NRP1: variants seen among roughly 807,000 people sequenced by gnomAD.
NRP1 encodes the protein neuropilin-1.
NRP1 carries 35 observed loss-of-function variants against 106.7 expected under a neutral mutation model. That is an observed-to-expected ratio of 0.33 (90% confidence interval 0.25 to 0.43). NRP1 has a LOEUF of 0.43. Among genes scored for constraint, NRP1 ranks in the 20% least tolerant of loss-of-function variants. NRP1 has a pLI of 1.00. For missense variants in NRP1, 1,024 were observed against 1,170.4 expected, an observed-to-expected ratio of 0.87 and a Z score of 1.83; for synonymous variants, 437 against 417.9, an observed-to-expected ratio of 1.05 and a Z score of -0.56.
intron 2 of NRP1, among the ~76,000 whole-genome samples, chr10:33,287,566 T>C (rs948732876): frequency 5.3e-5 from 8 of 152,222 alleles, no homozygotes; most frequent in African/African-American, 1.9e-4. Context: ...ACAGGTGGTG[T>C]CCTGTTACAC....
rs541094422 is a variant in NRP1, at chr10:33,188,006, G to A, written c.2063-1518C>T. ...GTAGGTTTGATACTGCAGGATGAAT[G>A]TCCCTCTCGCTCTCTGACCTTGCAG... On this transcript the variant is annotated intron_variant, in intron 13 of 16. Coordinates refer to ENST00000374867, the MANE Select transcript of NRP1 (RefSeq NM_003873.7). 3.3e-5 allele frequency among the ~76,000 whole-genome samples: 5 copies of A among 152,280 alleles called. No homozygotes were observed. In the South Asian group the frequency reaches 1.0e-3, roughly 32 times the overall value.
At chr10:33,209,994 T>C (rs1365493215) in intron 9 of NRP1, among the ~76,000 whole-genome samples, 1 of 152,188 alleles carries the variant, frequency 6.6e-6, no homozygotes, top group Non-Finnish European at 1.5e-5. Context: ...CAGCCTAATA[T>C]GTGCTTGTTC....
At chr10:33,292,901 G>C (rs753086572) in intron 2 of NRP1, among the ~76,000 whole-genome samples, 3 of 151,782 alleles carry the variant, frequency 2.0e-5, no homozygotes, top group African/African-American at 4.8e-5. Context: ...CTGGAGAATT[G>C]CCTGAACTCG....
intron 2 of NRP1, among the ~76,000 whole-genome samples, chr10:33,293,377 T>C (rs972756650): frequency 6.6e-6 from 1 of 152,206 alleles, no homozygotes; most frequent in Non-Finnish European, 1.5e-5. Context: ...TTTGGACTGT[T>C]GCATCTTTAT....
chr10:33,233,763 G>C (rs1004740213), intron 6 of NRP1, among the ~76,000 whole-genome samples: 2 of 152,150 alleles, frequency 1.3e-5, no homozygotes, highest in Non-Finnish European at 2.9e-5. Context: ...TATTTTTTGA[G>C]GGGGAGACTG....
At chr10:33,285,242 A>G (rs1294353630) in intron 2 of NRP1, among the ~76,000 whole-genome samples, 1 of 152,180 alleles carries the variant, frequency 6.6e-6, no homozygotes. Flanking sequence ...CCCTGGTTTT[A>G]CTACTTAGAG....
intron 3 of NRP1, among the ~76,000 whole-genome samples, chr10:33,268,610 T>C (rs1843085560): frequency 6.6e-6 from 1 of 152,172 alleles, no homozygotes; most frequent in Non-Finnish European, 1.5e-5. Flanking sequence ...AAATCTCTCT[T>C]TTCTCCTTCA....
intron 11 of NRP1, among the ~76,000 whole-genome samples, chr10:33,199,956 A>T (rs1837149780): frequency 1.3e-5 from 2 of 152,202 alleles, no homozygotes; most frequent in Non-Finnish European, 2.9e-5. Flanking sequence ...TTTCTAGGCT[A>T]ATCAACTGCA....
rs1302964790 is a variant in NRP1 at position 33,178,831 on chromosome 10, A to C, written c.*1245T>G. The stretch of plus-strand genomic sequence containing the variant: ...GAAAAAAGATACTGTCACTTTAACC[A>C]GTTAACAAGAAAACCAAAGTTAGAC... On this transcript the variant is annotated 3_prime_UTR_variant, in exon 17 of 17. Transcript: ENST00000374867. The C allele has an allele frequency of 6.5e-6, 1 of 152,688 alleles. No individual in the cohort carries two copies. Among genetic ancestry groups the C allele is most frequent in the Non-Finnish European group, 1.5e-5 (1 of 68,050 alleles). 9.5% of individuals were successfully genotyped at this position (152,688 alleles called of 1,614,324 possible). A position where few individuals can be genotyped will look rare whatever the true frequency, so the allele number is the denominator to read the frequency against.
At chr10:33,245,530 G>A (rs998928366) in intron 6 of NRP1, among the ~76,000 whole-genome samples, 2 of 152,246 alleles carry the variant, frequency 1.3e-5, no homozygotes, top group Admixed American at 1.3e-4. Flanking sequence ...TCATTTGCCA[G>A]TCAGCAAATA....
chr10:33,252,404 G>A (rs376184494), intron 6 of NRP1, among the ~76,000 whole-genome samples: 5 of 152,086 alleles, frequency 3.3e-5, no homozygotes, highest in Admixed American at 1.3e-4. Flanking sequence ...GCCTATAGAC[G>A]GCAAAGCAAA....
chr10:33,318,179 T>A (rs1470483515), intron 2 of NRP1, among the ~76,000 whole-genome samples: 2 of 152,200 alleles, frequency 1.3e-5, no homozygotes, highest in African/African-American at 4.8e-5. Context: ...CTAGGTGGCA[T>A]TACTCAGGCA....
rs560986317 is a variant in NRP1 at position 33,180,021 on chromosome 10, T to C, written c.*55A>G. Reference sequence around the variant, plus strand: ...AGTGAAAGATCAACAGCTCCCCAGCTCACTCCCGTCCTTCCACTTCCGTCC... The same window carrying C: ...AGTGAAAGATCAACAGCTCCCCAGCCCACTCCCGTCCTTCCACTTCCGTCC... On this transcript the variant is annotated 3_prime_UTR_variant, in exon 17 of 17. Coordinates refer to ENST00000374867, the MANE Select transcript of NRP1 (RefSeq NM_003873.7). 1.2e-5 allele frequency: 18 copies of C among 1,557,592 alleles called. 1 individual carries two copies. In the Middle Eastern group the frequency reaches 5.1e-4, roughly 44 times the overall value.
chr10:33,332,999 CAA>C (rs113459582), intron 1 of NRP1, among the ~76,000 whole-genome samples: 11,787 of 152,150 alleles, frequency 0.077, 600 homozygotes, highest in East Asian at 0.21. Context: ...GATTTAGTCT[CAA>C]GAGTTGTGGA....
At position 33,263,881 on chromosome 10, in the gene NRP1, T is replaced by C. The variant is rs754577919; in HGVS notation, c.431-8A>G. The stretch of plus-strand genomic sequence containing the variant: ...TCTGGGAACATTCAGGACCTATGAG[T>C]AGAAGAGAAAAAGGAGTAAAGTGAA... On this transcript the variant is annotated splice_region_variant and splice_polypyrimidine_tract_variant and intron_variant, in intron 3 of 16. Coordinates refer to ENST00000374867, the MANE Select transcript of NRP1 (RefSeq NM_003873.7). The C allele has an allele frequency of 1.3e-6, 2 of 1,565,400 alleles. No individual in the cohort carries two copies. Among genetic ancestry groups the C allele is most frequent in the East Asian group, 2.2e-5 (1 of 44,578 alleles).
intron 4 of NRP1, among the ~76,000 whole-genome samples, chr10:33,261,209 G>A (rs1297908389): frequency 2.0e-5 from 3 of 152,080 alleles, no homozygotes; most frequent in African/African-American, 4.8e-5. Flanking sequence ...ATTGTTAATT[G>A]TTCCTCGATT....
intron 6 of NRP1, among the ~76,000 whole-genome samples, chr10:33,233,831 A>G (rs1840350746): frequency 6.6e-6 from 1 of 152,166 alleles, no homozygotes; most frequent in Admixed American, 6.5e-5. Flanking sequence ...TCATCACTTG[A>G]CACTACAAGC....
At chr10:33,226,055 A>C in intron 7 of NRP1, 79 bp downstream of exon 7, 2 of 1,480,454 alleles carry the variant, frequency 1.4e-6, no homozygotes, top group South Asian at 2.4e-5. Flanking sequence ...GCCAGACAGA[A>C]AGCTACCAAA....
At chr10:33,251,851 A>G (rs1214988985) in intron 6 of NRP1, among the ~76,000 whole-genome samples, 4 of 152,096 alleles carry the variant, frequency 2.6e-5, no homozygotes, top group Non-Finnish European at 5.9e-5. Flanking sequence ...CTGATACGGG[A>G]GTGCTGGGAA....
Sources: allele counts gnomAD v4.1 joint callset (sites outside exome capture counted in the v4.1 genomes callset), GRCh38; gene constraint gnomAD v4.1.1; transcripts MANE v1.5; gene names NCBI Gene and HGNC (gene_info 2026-07-23, HGNC 2026-07-21).